ZFHX3: variants seen among roughly 807,000 people sequenced by gnomAD.
ZFHX3 encodes zinc finger homeobox protein 3.
In ZFHX3, 42 loss-of-function variants were observed where a neutral mutation model predicts 279.1. The observed-to-expected ratio is 0.15, with a 90% CI of 0.12 to 0.19. ZFHX3 has a LOEUF of 0.19. Ranked by LOEUF, ZFHX3 falls within the 10% of genes least tolerant of loss-of-function variation. The pLI is 1.00. For missense variants in ZFHX3, 4,981 were observed against 4,754.0 expected, an observed-to-expected ratio of 1.05 and a Z score of -1.40; for synonymous variants, 2,293 against 1,957.8, an observed-to-expected ratio of 1.17 and a Z score of -4.52.
chr16:73,055,678 A>ACC (rs1555545968), intron 1 of ZFHX3, among the ~76,000 whole-genome samples: 3,074 of 117,268 alleles, frequency 0.026, 49 homozygotes, highest in Middle Eastern at 0.12. Flanking sequence ...GTGCAGACGT[A>ACC]CGCGCGCGCG....
intron 5 of ZFHX3, among the ~76,000 whole-genome samples, chr16:73,231,273 C>A (rs1346205736): frequency 6.6e-6 from 1 of 152,080 alleles, no homozygotes; most frequent in Admixed American, 6.5e-5. Flanking sequence ...CCATCTATAT[C>A]TTGTCGTTTA....
At chr16:73,596,211 T>A (rs1469788334) in intron 2 of ZFHX3, among the ~76,000 whole-genome samples, 1 of 151,880 alleles carries the variant, frequency 6.6e-6, no homozygotes, top group East Asian at 1.9e-4. Flanking sequence ...TTAGTAGAGA[T>A]GGGGTTTCAG....
chr16:73,241,677 C>G (rs1314926188), intron 5 of ZFHX3, among the ~76,000 whole-genome samples: 2 of 151,048 alleles, frequency 1.3e-5, no homozygotes, highest in Admixed American at 1.3e-4. Flanking sequence ...ATAATCCCAG[C>G]TACTTGGGAG....
chr16:73,444,160 A>ACTC (rs2018142357), intron 3 of ZFHX3, among the ~76,000 whole-genome samples: 1 of 152,110 alleles, frequency 6.6e-6, no homozygotes. Flanking sequence ...TAGACAAAAT[A>ACTC]CTCCTACATT....
At chr16:72,855,907 C>T (rs955861115) in intron 4 of ZFHX3, among the ~76,000 whole-genome samples, 5 of 152,152 alleles carry the variant, frequency 3.3e-5, no homozygotes, top group African/African-American at 7.2e-5. Context: ...CCACCTTCCC[C>T]GTGGTGGGAA....
intron 1 of ZFHX3, among the ~76,000 whole-genome samples, chr16:73,737,058 G>A (rs532698755): frequency 6.6e-6 from 1 of 151,894 alleles, no homozygotes; most frequent in African/African-American, 2.4e-5. Flanking sequence ...TTTTAAGACA[G>A]GGTCTCACTC....
chr16:73,039,670 G>T (rs948133086), intron 1 of ZFHX3, among the ~76,000 whole-genome samples: 1 of 152,014 alleles, frequency 6.6e-6, no homozygotes, highest in African/African-American at 2.4e-5. Context: ...AAGTGACCAG[G>T]CCTGAGATCC....
In ZFHX3 at chr16:73,717,250, TTTGC is replaced by T. The variant is rs1186792004; in HGVS notation, c.-1607-37014_-1607-37011del. On this transcript the variant is annotated intron_variant, in intron 1 of 17. Coordinates refer to the ZFHX3 transcript ENST00000641206. Reference sequence around the variant, plus strand: ...AAGAAACAGGACATGCATTTATTTGTTTGCTTATTTATTTACTTACTTGTATGTG... The same window carrying T: ...AAGAAACAGGACATGCATTTATTTGTTTATTTATTTACTTACTTGTATGTG... Among the ~76,000 whole-genome samples the T allele has an allele frequency of 7.9e-5, 12 of 152,298 alleles. No homozygotes were observed. The East Asian group carries it at 1.7e-3, about 22-fold the overall frequency.
intron 1 of ZFHX3, among the ~76,000 whole-genome samples, chr16:73,689,122 A>G (rs1357907970): frequency 2.0e-5 from 3 of 152,218 alleles, no homozygotes; most frequent in Non-Finnish European, 4.4e-5. Flanking sequence ...GATCCAATAA[A>G]TACTTGCCAA....
intron 3 of ZFHX3, 106 bp from the exon 4 acceptor site, chr16:72,890,068 G>T (rs529629497): frequency 7.1e-6 from 7 of 987,084 alleles, no homozygotes; most frequent in Non-Finnish European, 8.9e-6. Context: ...GCCTCCAGGG[G>T]ACACATCTCC....
intron 1 of ZFHX3, among the ~76,000 whole-genome samples, chr16:73,755,199 A>C (rs1339128008): frequency 6.6e-6 from 1 of 152,052 alleles, no homozygotes; most frequent in Non-Finnish European, 1.5e-5. Flanking sequence ...ATCTCCTTTT[A>C]CTCAAAGATC....
intron 1 of ZFHX3, among the ~76,000 whole-genome samples, chr16:73,777,134 A>G (rs886963148): frequency 1.1e-4 from 16 of 152,222 alleles, no homozygotes; most frequent in African/African-American, 2.9e-4. Flanking sequence ...TCCTGCCACA[A>G]TTTCCCTTTC....
chr16:73,309,194 C>T (rs976303203), intron 4 of ZFHX3, among the ~76,000 whole-genome samples: 1 of 152,024 alleles, frequency 6.6e-6, no homozygotes, highest in Non-Finnish European at 1.5e-5. Flanking sequence ...AAGCCTAGTA[C>T]CCCATAGTTG....
intron 8 of ZFHX3, among the ~76,000 whole-genome samples, chr16:73,074,329 C>T (rs1840058636): frequency 6.6e-6 from 1 of 152,208 alleles, no homozygotes; most frequent in African/African-American, 2.4e-5. Context: ...GGGTTTCCTG[C>T]ATTTGTGTAA....
chr16:73,289,079 A>C (rs1449474089), intron 4 of ZFHX3, among the ~76,000 whole-genome samples: 1 of 151,272 alleles, frequency 6.6e-6, no homozygotes, highest in Non-Finnish European at 1.5e-5. Flanking sequence ...AAAGGAAAGC[A>C]GAAAGTGTAT....
chr16:73,168,224 TTTCTTTCTTTC>T (rs1386604746), intron 5 of ZFHX3, among the ~76,000 whole-genome samples: 1 of 131,392 alleles, frequency 7.6e-6, no homozygotes, highest in Non-Finnish European at 1.6e-5. Flanking sequence ...TCTTTCTTTC[TTTCTTTCTTTC>T]TTTCTTTCTT....
intron 4 of ZFHX3, among the ~76,000 whole-genome samples, chr16:72,863,590 T>A (rs2037940490): frequency 6.6e-6 from 1 of 151,992 alleles, no homozygotes; most frequent in Non-Finnish European, 1.5e-5. Context: ...CCAAGATTTG[T>A]TTGAAAATAA....
intron 4 of ZFHX3, among the ~76,000 whole-genome samples, chr16:72,830,495 T>C (rs548952544): frequency 6.6e-6 from 1 of 152,362 alleles, no homozygotes; most frequent in Non-Finnish European, 1.5e-5. Flanking sequence ...GTGAGATTTG[T>C]AGAGTAAGGG....
At chr16:73,882,178 T>G (rs1019276167) in intron 1 of ZFHX3, among the ~76,000 whole-genome samples, 1 of 152,138 alleles carries the variant, frequency 6.6e-6, no homozygotes, top group Admixed American at 6.5e-5. Flanking sequence ...ACAGTAGGAC[T>G]GTTTGTCCCA....
Sources: gnomAD v4.1 joint callset for allele counts (sites outside exome capture counted in the v4.1 genomes callset) on GRCh38, gnomAD v4.1.1 for gene constraint, MANE v1.5 for transcripts, NCBI Gene and HGNC (gene_info 2026-07-23, HGNC 2026-07-21) for gene names.